The following HMCN1 variants were observed in gnomAD, a reference collection of about 807,000 sequenced individuals.
The protein encoded by HMCN1 is hemicentin-1.
Under a neutral mutation model 625.9 loss-of-function variants are expected in HMCN1, and 321 were observed. The observed-to-expected ratio is 0.51, with a 90% CI of 0.47 to 0.56. The LOEUF is 0.56. Ranked by LOEUF, HMCN1 falls within the 20% of genes least tolerant of loss-of-function variation. The probability of loss-of-function intolerance (pLI) is 0.00; values close to 1 mark genes in which losing one functional copy is unlikely to be tolerated. For synonymous variants in HMCN1, 2,425 were observed against 2,417.6 expected (o/e 1.00, Z -0.09); for missense variants, 6,588 against 6,887.3 (o/e 0.96, Z 1.54).
At chr1:186,061,753 C>A in intron 46 of HMCN1, 98 bp from the exon 47 acceptor site, 1 of 721,102 alleles carries the variant, frequency 1.4e-6, no homozygotes, top group Non-Finnish European at 2.4e-6. Context: ...CTAAAGCATA[C>A]TGATTAAATT....
At chr1:186,143,188 C>T (rs1202869248) in intron 89 of HMCN1, among the ~76,000 whole-genome samples, 1 of 152,310 alleles carries the variant, frequency 6.6e-6, no homozygotes, top group Non-Finnish European at 1.5e-5. Context: ...GAAACTGTAA[C>T]ATGCATTTAA....
At chr1:185,993,781 A>G (rs1405086070) in intron 23 of HMCN1, among the ~76,000 whole-genome samples, 1 of 152,258 alleles carries the variant, frequency 6.6e-6, no homozygotes, top group Middle Eastern at 3.4e-3. Flanking sequence ...TCCAATCCAC[A>G]TAGTCCATCC....
chr1:185,747,650 T>C (rs965558361), intron 1 of HMCN1, among the ~76,000 whole-genome samples: 8 of 152,206 alleles, frequency 5.3e-5, no homozygotes, highest in Admixed American at 5.2e-4. Flanking sequence ...TTTAATAAAG[T>C]CGTATTTAAT....
intron 11 of HMCN1, among the ~76,000 whole-genome samples, chr1:185,934,043 A>G (rs1667694178): frequency 6.6e-6 from 1 of 152,142 alleles, no homozygotes; most frequent in Admixed American, 6.5e-5. Flanking sequence ...ATCACAGCTA[A>G]TCATAGTAGT....
intron 36 of HMCN1, among the ~76,000 whole-genome samples, chr1:186,035,514 T>A (rs1655762556): frequency 6.6e-6 from 1 of 152,166 alleles, no homozygotes; most frequent in Non-Finnish European, 1.5e-5. Flanking sequence ...TGCTTAGGAC[T>A]TTTCTTTCAT....
At chr1:185,776,978 T>C (rs1032735639) in intron 1 of HMCN1, among the ~76,000 whole-genome samples, 8 of 152,258 alleles carry the variant, frequency 5.3e-5, no homozygotes. Context: ...AAACCATAAA[T>C]ACAACAGACA....
In HMCN1 at chr1:186,067,958, T is replaced by G. The variant is rs749953909; in HGVS notation, c.7830T>G (p.Phe2610Leu). 6.2e-7 allele frequency: 1 copy of G among 1,613,702 alleles called. No individual in the cohort carries two copies. Among genetic ancestry groups the G allele is most frequent in the Non-Finnish European group, 8.5e-7 (1 of 1,179,644 alleles). ...YSYPPATITW[F>L]KDGTPLESNR... ...ATCCTCCAGCTACCATCACCTGGTT[T>G]AAGGATGGCACTCCTTTAGAATCTA... The change falls in exon 50 of 107, where the codon TTT (phenylalanine) becomes TTG (leucine). Residue 2610 changes from phenylalanine to leucine, a missense_variant. Physicochemically the swap from Phe to Leu is conservative, Grantham distance 22 (BLOSUM62 0). Transcript: ENST00000271588.
At chr1:185,944,733 G>A (rs1668250425) in intron 11 of HMCN1, among the ~76,000 whole-genome samples, 1 of 152,164 alleles carries the variant, frequency 6.6e-6, no homozygotes, top group Non-Finnish European at 1.5e-5. Context: ...AATATAAGAT[G>A]ACTAGACAGT....
intron 1 of HMCN1, among the ~76,000 whole-genome samples, chr1:185,749,595 T>A (rs1654656178): frequency 6.6e-6 from 1 of 152,204 alleles, no homozygotes; most frequent in Non-Finnish European, 1.5e-5. Context: ...AGATCTCCTG[T>A]GCTCCTCTTT....
chr1:186,141,147 C>T (rs530728381), intron 89 of HMCN1, among the ~76,000 whole-genome samples: 80 of 151,980 alleles, frequency 5.3e-4, no homozygotes, highest in South Asian at 1.7e-3. Flanking sequence ...CAATAGGGTT[C>T]GCACTCCTAT....
chr1:185,770,435 TAAAGAA>T (rs1656164545), intron 1 of HMCN1, among the ~76,000 whole-genome samples: 1 of 152,148 alleles, frequency 6.6e-6, no homozygotes, highest in African/African-American at 2.4e-5. Flanking sequence ...AAGGAACACA[TAAAGAA>T]AAAGATCCAG....
chr1:185,928,593 A>G lies in HMCN1; in HGVS notation c.1478A>G (p.Asp493Gly), dbSNP rs1424235256. The G allele has an allele frequency of 1.2e-6, 2 of 1,613,414 alleles. No homozygotes were observed. Among genetic ancestry groups the G allele is most frequent in the Non-Finnish European group, 1.7e-6 (2 of 1,179,500 alleles). ...NLDIAKVTLS[D>G]EGFYECIAVS... Reference sequence around the variant, plus strand: ...GATATTGCAAAGGTCACTTTGTCTGACGAAGGTTTCTATGAATGCATTGCT... The same window carrying G: ...GATATTGCAAAGGTCACTTTGTCTGGCGAAGGTTTCTATGAATGCATTGCT... Residue 493 changes from aspartate to glycine, a missense_variant, in exon 10 of 107, where the codon GAC becomes GGC. Asp to Gly is a moderately conservative substitution (Grantham distance 94). Around this residue, in one of 3 missense-constraint regions of HMCN1, gnomAD observed 4,628 missense variants for 4,853.1 expected, o/e 0.95. Transcript: ENST00000271588.
At chr1:186,180,056 C>T (rs922352975) in intron 104 of HMCN1, among the ~76,000 whole-genome samples, 4 of 152,176 alleles carry the variant, frequency 2.6e-5, no homozygotes, top group African/African-American at 9.6e-5. Flanking sequence ...CTCATTTCTT[C>T]TACCACCAAA....
At chr1:186,174,111 T>C (rs1349749222) in intron 102 of HMCN1, among the ~76,000 whole-genome samples, 1 of 152,154 alleles carries the variant, frequency 6.6e-6, no homozygotes, top group Non-Finnish European at 1.5e-5. Flanking sequence ...TTTGAACTAG[T>C]GGTAAAACAA....
At chr1:186,081,879 C>T (rs1659188391) in intron 56 of HMCN1, among the ~76,000 whole-genome samples, 1 of 152,126 alleles carries the variant, frequency 6.6e-6, no homozygotes, top group Non-Finnish European at 1.5e-5. Flanking sequence ...AAGAAAAGCA[C>T]TTGTAGAAAT....
intron 22 of HMCN1, 21 bp downstream of exon 22, chr1:185,990,464 TGC>T: frequency 6.2e-7 from 1 of 1,609,844 alleles, no homozygotes; most frequent in Non-Finnish European, 8.5e-7. Flanking sequence ...TGGGATGAAT[TGC>T]AACACATGAA....
chr1:186,002,392 T>C (rs1307202523), intron 28 of HMCN1, among the ~76,000 whole-genome samples: 1 of 152,106 alleles, frequency 6.6e-6, no homozygotes, highest in African/African-American at 2.4e-5. Context: ...GGCACATAAT[T>C]TGTAAGTCTT....
At chr1:186,077,989 A>G in intron 54 of HMCN1, 118 bp from the exon 55 acceptor site, 1 of 736,524 alleles carries the variant, frequency 1.4e-6, no homozygotes, top group Non-Finnish European at 2.4e-6. Context: ...CCATTGGATG[A>G]AACAGGAACC....
At chr1:186,033,055 TAC>T (rs1350897437) in intron 36 of HMCN1, among the ~76,000 whole-genome samples, 1 of 142,820 alleles carries the variant, frequency 7.0e-6, no homozygotes. Context: ...AAATGTGATA[TAC>T]ACACACGCAC....
Sources: allele counts gnomAD v4.1 joint callset (sites outside exome capture counted in the v4.1 genomes callset), GRCh38; gene constraint gnomAD v4.1.1; regional missense constraint gnomAD v4.1.1; transcripts MANE v1.5; gene names NCBI Gene and HGNC (gene_info 2026-07-23, HGNC 2026-07-21).